The following PAIP2B variants were observed in gnomAD, a reference collection of about 807,000 sequenced individuals.
The protein encoded by PAIP2B is polyadenylate-binding protein-interacting protein 2B.
PAIP2B carries 13 observed loss-of-function variants against 17.0 expected under a neutral mutation model. The ratio of observed to expected loss-of-function variants is 0.76; its 90% CI spans 0.50 to 1.22. The LOEUF (loss-of-function observed/expected upper bound fraction) is 1.22, where lower values mean the gene tolerates loss of function less well. PAIP2B is among the 50% of genes most tolerant of loss of function. The pLI is 0.00. For missense variants in PAIP2B, 117 were observed against 144.5 expected (o/e 0.81, Z 0.98); for synonymous variants, 43 against 48.7 (o/e 0.88, Z 0.48).
chr2:71,215,887 A>G (rs1443256974), intron 1 of PAIP2B, among the ~76,000 whole-genome samples: 1 of 152,176 alleles, frequency 6.6e-6, no homozygotes, highest in Non-Finnish European at 1.5e-5. Flanking sequence ...GTTCCTTTGA[A>G]GCTGTCTTCA....
chr2:71,217,515 G>C (rs990291683), intron 1 of PAIP2B, among the ~76,000 whole-genome samples: 4 of 152,154 alleles, frequency 2.6e-5, no homozygotes, highest in African/African-American at 7.2e-5. Flanking sequence ...CAAGTTAATA[G>C]AATTAAACCA....
At position 71,186,756 on chromosome 2, in the gene PAIP2B, G is replaced by C. The variant is rs1674552709; in HGVS notation, c.*1723C>G. On this transcript the variant is annotated 3_prime_UTR_variant, in exon 4 of 4. Coordinates refer to ENST00000244221, the MANE Select transcript of PAIP2B (RefSeq NM_020459.1). ...CAACATAGAGGCTTTGGGAATTAAT[G>C]TGTCTGTCTGGTAATGCAAGTTCTC... is the stretch of plus-strand genomic sequence containing the variant. 6.6e-6 allele frequency: 1 copy of C among 152,202 alleles called. No individual in the cohort carries two copies. The highest frequency in any genetic ancestry group is 2.1e-4 in the South Asian group (1 of 4,828). The allele number at this position is 152,202 out of a possible 1,614,324, so 9.4% of individuals were successfully genotyped here. A position where few individuals can be genotyped will look rare whatever the true frequency, so the allele number is the denominator to read the frequency against.
Position 71,187,936 on chromosome 2 carries a change from G to A in PAIP2B, c.*543C>T, listed in dbSNP as rs1674582329. Reference sequence around the variant, plus strand: ...AATGGGGTTCAGGACAAACAGGCAAGGGCTTGACAGCACATTGGTTATCCG... The same window carrying A: ...AATGGGGTTCAGGACAAACAGGCAAAGGCTTGACAGCACATTGGTTATCCG... On this transcript the variant is annotated 3_prime_UTR_variant, in exon 4 of 4. Coordinates refer to ENST00000244221, the MANE Select transcript of PAIP2B (RefSeq NM_020459.1). 1 of 154,294 alleles carries A rather than the reference G, an allele frequency of 6.5e-6. No homozygotes were observed. The highest frequency in any genetic ancestry group is 2.4e-5 in the African/African-American group (1 of 41,456). The allele number at this position is 154,294 out of a possible 1,614,324, so 9.6% of individuals were successfully genotyped here.
chr2:71,194,545 T>C (rs992164824), intron 2 of PAIP2B, among the ~76,000 whole-genome samples: 2 of 151,944 alleles, frequency 1.3e-5, no homozygotes, highest in African/African-American at 4.8e-5. Flanking sequence ...TTGGTGGTTG[T>C]TGGTGTATAG....
chr2:71,225,283 CT>C (rs1406689748), intron 1 of PAIP2B, among the ~76,000 whole-genome samples: 1 of 152,150 alleles, frequency 6.6e-6, no homozygotes, highest in African/African-American at 2.4e-5. Context: ...CTATAATAGA[CT>C]TTTTTCTTTA....
intron 1 of PAIP2B, among the ~76,000 whole-genome samples, chr2:71,224,180 C>T (rs935913880): frequency 2.0e-5 from 3 of 152,256 alleles, no homozygotes; most frequent in African/African-American, 4.8e-5. Flanking sequence ...GCCATCTGGA[C>T]GAGTCTGAAT....
chr2:71,222,904 T>C (rs1020703079), intron 1 of PAIP2B, among the ~76,000 whole-genome samples: 6 of 152,170 alleles, frequency 3.9e-5, no homozygotes, highest in East Asian at 1.9e-4. Context: ...AAAAGGAAGT[T>C]TGTACACAAA....
chr2:71,199,235 T>C (rs756946427), intron 2 of PAIP2B, among the ~76,000 whole-genome samples: 3 of 152,146 alleles, frequency 2.0e-5, no homozygotes, highest in Non-Finnish European at 4.4e-5. Context: ...AAGTAATCCA[T>C]TTTCTTTGCA....
Position 71,189,763 on chromosome 2 carries a change from G to GT in PAIP2B, c.315+81dup, listed in dbSNP as rs551758455. The GT allele has an allele frequency of 5.7e-5, 77 of 1,345,792 alleles. 1 individual carries two copies. In the South Asian group the frequency reaches 1.1e-3, roughly 20 times the overall value. 83.4% of individuals were successfully genotyped at this position (1,345,792 alleles called of 1,614,324 possible). ...CAGGGCTCCAGACTTGTTGAGGGTT[G>GT]TAGGGCTGGAAAGAAAGTCTGTCAT... On this transcript the variant is annotated intron_variant, in intron 3 of 3. Transcript: ENST00000244221.
chr2:71,213,678 T>A (rs1004939241), intron 1 of PAIP2B, among the ~76,000 whole-genome samples: 3 of 152,182 alleles, frequency 2.0e-5, no homozygotes, highest in African/African-American at 7.2e-5. Flanking sequence ...TGGAAACCAC[T>A]CAAGAGGCAG....
At chr2:71,222,084 C>T (rs1013325690) in intron 1 of PAIP2B, among the ~76,000 whole-genome samples, 3 of 152,150 alleles carry the variant, frequency 2.0e-5, no homozygotes, top group South Asian at 2.1e-4. Context: ...ACCTTGCTAC[C>T]GCTCACTCTT....
rs1056053660 is a variant in PAIP2B at position 71,215,194 on chromosome 2, A to G, written c.-12+11734T>C. Among the ~76,000 whole-genome samples the G allele has an allele frequency of 2.0e-4, 31 of 152,298 alleles. 1 individual carries two copies. Among genetic ancestry groups the G allele is most frequent in the Non-Finnish European group, 1.3e-4 (9 of 68,016 alleles). On this transcript the variant is annotated intron_variant, in intron 1 of 3. Coordinates refer to ENST00000244221, the MANE Select transcript of PAIP2B (RefSeq NM_020459.1). The stretch of plus-strand genomic sequence containing the variant: ...TGATCTGATCTGAGGCATACAGTCC[A>G]GGAGCCTATATAAAATTACCTGGGA...
intron 2 of PAIP2B, among the ~76,000 whole-genome samples, chr2:71,196,782 T>G (rs898049294): frequency 6.6e-6 from 1 of 152,110 alleles, no homozygotes; most frequent in African/African-American, 2.4e-5. Context: ...TTCCCTTGTC[T>G]TTTTTTATCT....
intron 1 of PAIP2B, among the ~76,000 whole-genome samples, chr2:71,209,853 T>C (rs1231945873): frequency 2.0e-5 from 3 of 151,870 alleles, no homozygotes; most frequent in Admixed American, 6.6e-5. Flanking sequence ...AGATGGAGTC[T>C]CACTCTGTCG....
intron 1 of PAIP2B, among the ~76,000 whole-genome samples, chr2:71,224,641 G>A (rs1675675162): frequency 6.6e-6 from 1 of 152,124 alleles, no homozygotes; most frequent in Admixed American, 6.5e-5. Flanking sequence ...GGCACTTCAG[G>A]AAGTCTAGAG....
chr2:71,212,068 G>A (rs1675315727), intron 1 of PAIP2B, among the ~76,000 whole-genome samples: 1 of 152,184 alleles, frequency 6.6e-6, no homozygotes, highest in African/African-American at 2.4e-5. Flanking sequence ...ATATTGTGAA[G>A]TCTTTAACAG....
At chr2:71,220,395 A>G (rs1675552097) in intron 1 of PAIP2B, among the ~76,000 whole-genome samples, 1 of 152,258 alleles carries the variant, frequency 6.6e-6, no homozygotes, top group Non-Finnish European at 1.5e-5. Context: ...TATACAATAC[A>G]TGTATATGCA....
intron 2 of PAIP2B, among the ~76,000 whole-genome samples, chr2:71,199,408 TAAAA>T (rs61527424): frequency 7.3e-6 from 1 of 137,492 alleles, no homozygotes; most frequent in African/African-American, 2.7e-5. Context: ...AAGCTTAGAG[TAAAA>T]AAAAAAAAAA....
intron 1 of PAIP2B, among the ~76,000 whole-genome samples, chr2:71,223,507 G>A (rs971898335): frequency 4.7e-5 from 7 of 150,330 alleles, no homozygotes; most frequent in Non-Finnish European, 8.9e-5. Context: ...GGCACGATTC[G>A]GCTCACTGCA....
Sources: gnomAD v4.1 joint callset for allele counts (sites outside exome capture counted in the v4.1 genomes callset) on GRCh38, gnomAD v4.1.1 for gene constraint, MANE v1.5 for transcripts, NCBI Gene and HGNC (gene_info 2026-07-23, HGNC 2026-07-21) for gene names.